Variants in NYAP2 observed in about 807,000 individuals in gnomAD.
The protein encoded by NYAP2 is neuronal tyrosine-phosphorylated phosphoinositide-3-kinase adapter 2.
Under a neutral mutation model 50.4 loss-of-function variants are expected in NYAP2, and 23 were observed. The observed-to-expected ratio is 0.46, with a 90% confidence interval of 0.33 to 0.65. The LOEUF (loss-of-function observed/expected upper bound fraction) is 0.65. Ranked by LOEUF, NYAP2 falls within the 30% of genes least tolerant of loss-of-function variation. The pLI, the probability that NYAP2 is intolerant of heterozygous loss-of-function variation, is 0.02. For synonymous variants in NYAP2, 394 were observed against 365.2 expected, an observed-to-expected ratio of 1.08 and a Z score of -0.90; for missense variants, 885 against 861.0, an observed-to-expected ratio of 1.03 and a Z score of -0.35.
chr2:225,501,142 C>T (rs972036360), intron 3 of NYAP2, among the ~76,000 whole-genome samples: 24 of 152,130 alleles, frequency 1.6e-4, no homozygotes, highest in African/African-American at 5.1e-4. Flanking sequence ...TTCTCAAATC[C>T]AGGGCATGAC....
At chr2:225,444,606 T>C (rs981694454) in intron 3 of NYAP2, among the ~76,000 whole-genome samples, 3 of 152,190 alleles carry the variant, frequency 2.0e-5, no homozygotes, top group African/African-American at 4.8e-5. Context: ...AGAAAACTTC[T>C]TGAAGGACAT....
At chr2:225,586,588 T>C (rs1692393565) in intron 5 of NYAP2, among the ~76,000 whole-genome samples, 1 of 152,226 alleles carries the variant, frequency 6.6e-6, no homozygotes. Context: ...GGTACAAATA[T>C]TTTTGTGATG....
intron 4 of NYAP2, among the ~76,000 whole-genome samples, chr2:225,577,925 C>G (rs1249533775): frequency 1.3e-5 from 2 of 151,684 alleles, no homozygotes; most frequent in African/African-American, 2.4e-5. Flanking sequence ...TCCTCACACC[C>G]TCATTTAATT....
chr2:225,511,301 T>C (rs1690809200), intron 3 of NYAP2, among the ~76,000 whole-genome samples: 1 of 151,074 alleles, frequency 6.6e-6, no homozygotes, highest in Non-Finnish European at 1.5e-5. Flanking sequence ...AAGCTTCTAA[T>C]GTATGTCTTA....
At chr2:225,659,852 C>T in the NYAP2 span, among the ~76,000 whole-genome samples, 1 of 152,118 alleles carries the variant, frequency 6.6e-6, no homozygotes, top group African/African-American at 2.4e-5. Context: ...ACAGTTTTTC[C>T]TCTTTCCAAA....
chr2:225,565,125 C>A (rs555295353), intron 4 of NYAP2, among the ~76,000 whole-genome samples: 1 of 146,530 alleles, frequency 6.8e-6, no homozygotes, highest in African/African-American at 2.7e-5. Flanking sequence ...AGCAACACTC[C>A]GTCTCAAAAA....
the NYAP2 span, among the ~76,000 whole-genome samples, chr2:225,684,450 C>G: frequency 6.6e-6 from 1 of 151,238 alleles, no homozygotes; most frequent in African/African-American, 2.4e-5. Flanking sequence ...GCTCTGTCAG[C>G]CTTACCTTTT....
intron 6 of NYAP2, among the ~76,000 whole-genome samples, chr2:225,634,439 T>C (rs1445086694): frequency 6.6e-6 from 1 of 152,096 alleles, no homozygotes; most frequent in East Asian, 1.9e-4. Context: ...TCATGACCCA[T>C]TGTAGGGAAG....
chr2:225,693,695 ATT>A, the NYAP2 span, among the ~76,000 whole-genome samples: 35 of 152,036 alleles, frequency 2.3e-4, no homozygotes, highest in African/African-American at 8.2e-4. Flanking sequence ...TCTTGGGATT[ATT>A]TTATAAGAGT....
chr2:225,614,371 A>G (rs1276402235), intron 5 of NYAP2, among the ~76,000 whole-genome samples: 1 of 152,220 alleles, frequency 6.6e-6, no homozygotes, highest in Non-Finnish European at 1.5e-5. Context: ...AAACTATTTG[A>G]AAATTTTGGT....
At chr2:225,447,460 G>A (rs1689580596) in intron 3 of NYAP2, among the ~76,000 whole-genome samples, 1 of 152,108 alleles carries the variant, frequency 6.6e-6, no homozygotes, top group South Asian at 2.1e-4. Flanking sequence ...TATAGATGGA[G>A]AGAGTTCTAC....
At chr2:225,617,492 A>G (rs1693009257) in intron 5 of NYAP2, among the ~76,000 whole-genome samples, 1 of 152,204 alleles carries the variant, frequency 6.6e-6, no homozygotes, top group South Asian at 2.1e-4. Context: ...TTTTTATGTA[A>G]ATCATCTGAG....
intron 3 of NYAP2, among the ~76,000 whole-genome samples, chr2:225,476,638 A>G (rs1413882262): frequency 1.3e-5 from 2 of 152,178 alleles, no homozygotes; most frequent in Non-Finnish European, 2.9e-5. Flanking sequence ...AAAACAATAT[A>G]TCAAACCCTT....
chr2:225,581,825 A>G, intron 4 of NYAP2, 116 bp from the exon 5 acceptor site: 1 of 967,416 alleles, frequency 1.0e-6, no homozygotes, highest in Non-Finnish European at 1.6e-6. Flanking sequence ...TCAAACTAAG[A>G]ATGAAGCTGT....
chr2:225,446,513 G>T lies in NYAP2; in HGVS notation c.221+37412G>T, dbSNP rs371920850. 3.7e-4 allele frequency among the ~76,000 whole-genome samples: 56 copies of T among 151,954 alleles called. 2 individuals are homozygous for T. The South Asian group carries it at 0.011, about 30-fold the overall frequency. Reference sequence around the variant, plus strand: ...GAACATGAGAAAGTGTTATGAAGTTGCATGAAAGTTATATAGAAAGGAATA... The same window carrying T: ...GAACATGAGAAAGTGTTATGAAGTTTCATGAAAGTTATATAGAAAGGAATA... On this transcript the variant is annotated intron_variant, in intron 3 of 6. Transcript: ENST00000636099.
intron 3 of NYAP2, among the ~76,000 whole-genome samples, chr2:225,456,333 C>T (rs1689739179): frequency 6.6e-6 from 1 of 152,166 alleles, no homozygotes; most frequent in African/African-American, 2.4e-5. Flanking sequence ...TGATACTTGC[C>T]TTACTGACTT....
At chr2:225,655,885 TACACACACACAC>T (rs372646871), downstream of NYAP2, among the ~76,000 whole-genome samples, 3 of 121,144 alleles carry the variant, frequency 2.5e-5, no homozygotes, top group African/African-American at 6.2e-5. Context: ...CAACCTCCAC[TACACACACACAC>T]ACACACACAC....
chr2:225,421,274 T>G (rs905991912), intron 3 of NYAP2, among the ~76,000 whole-genome samples: 19 of 152,222 alleles, frequency 1.2e-4, no homozygotes, highest in African/African-American at 4.3e-4. Flanking sequence ...TAAAAATTAT[T>G]TAGAAGCCTG....
the NYAP2 span, among the ~76,000 whole-genome samples, chr2:225,659,934 G>T: frequency 5.8e-4 from 89 of 152,202 alleles, 2 homozygotes; most frequent in Non-Finnish European, 1.8e-4. Context: ...TCCAAAGGCA[G>T]TAGTCACTGA....
Sources: gnomAD v4.1 joint callset for allele counts (sites outside exome capture counted in the v4.1 genomes callset) on GRCh38, gnomAD v4.1.1 for gene constraint, MANE v1.5 for transcripts, NCBI Gene and HGNC (gene_info 2026-07-23, HGNC 2026-07-21) for gene names.